Variants in LNX1 observed in about 807,000 individuals in gnomAD.
LNX1 encodes E3 ubiquitin-protein ligase LNX.
LNX1 carries 54 observed loss-of-function variants against 68.4 expected under a neutral mutation model. That is an observed-to-expected ratio of 0.79 (90% CI 0.63 to 0.99). LNX1 has a LOEUF of 0.99. LNX1 is among the 50% of genes least tolerant of loss of function. The pLI, the probability that LNX1 is intolerant of heterozygous loss-of-function variation, is 0.00. For synonymous variants in LNX1, 336 were observed against 350.0 expected, an observed-to-expected ratio of 0.96 and a Z score of 0.45; for missense variants, 906 against 926.4, an observed-to-expected ratio of 0.98 and a Z score of 0.29.
At position 53,590,005 on chromosome 4, in the gene LNX1, A is replaced by T. The variant is rs553010509; in HGVS notation, c.-87+1383T>A. 2.6e-5 allele frequency among the ~76,000 whole-genome samples: 4 copies of T among 152,326 alleles called. No individual in the cohort carries two copies. The South Asian group carries it at 8.3e-4, about 32-fold the overall frequency. ...AATGTAATCTTGAGGAGAGGTTTAG[A>T]TGCACTTTTATCAGAAGATCCAAGC... On this transcript the variant is annotated intron_variant, in intron 1 of 10. Transcript: ENST00000263925.
At chr4:53,645,869 G>T (rs1734867775) in intron 1 of LNX1, among the ~76,000 whole-genome samples, 1 of 152,148 alleles carries the variant, frequency 6.6e-6, no homozygotes, top group Non-Finnish European at 1.5e-5. Context: ...GGCATGCATT[G>T]GTGAGGATAT....
At chr4:53,474,992 T>G (rs113956699) in intron 9 of LNX1, among the ~76,000 whole-genome samples, 24,465 of 152,164 alleles carry the variant, frequency 0.16, 2,501 homozygotes, top group Admixed American at 0.26. Context: ...GGTCTTGAAC[T>G]CCTGGTCTCA....
intron 6 of LNX1, among the ~76,000 whole-genome samples, chr4:53,492,506 T>TGAGAGAGAGAGAGAGAGAGAGAGA (rs58715153): frequency 0.016 from 1,418 of 88,894 alleles, 216 homozygotes; most frequent in Non-Finnish European, 0.022. Flanking sequence ...CAGAGGGCTC[T>TGAGAGAGAGAGAGAGAGAGAGAGA]GAGAGAGAGA....
chr4:53,568,314 C>T (rs1730856667), intron 2 of LNX1, among the ~76,000 whole-genome samples: 1 of 151,632 alleles, frequency 6.6e-6, no homozygotes, highest in South Asian at 2.1e-4. Context: ...AAGTGGGCTT[C>T]ATCCCTGGGA....
At chr4:53,642,943 T>C (rs964425843) in intron 1 of LNX1, among the ~76,000 whole-genome samples, 1 of 152,146 alleles carries the variant, frequency 6.6e-6, no homozygotes, top group African/African-American at 2.4e-5. Context: ...AGTGTAATGG[T>C]TCTCTGTGTG....
At chr4:53,471,207 C>A (rs1410066146) in intron 9 of LNX1, among the ~76,000 whole-genome samples, 1 of 151,848 alleles carries the variant, frequency 6.6e-6, no homozygotes, top group Non-Finnish European at 1.5e-5. Flanking sequence ...ACCATCTGAT[C>A]TTTGACAAAC....
Position 53,498,737 on chromosome 4 carries a change from G to A in LNX1, c.882C>T (p.Ser294=), listed in dbSNP as rs138813024. ...ESLSIRLVGG[S]ETPLVHIIIQ... is the part of the protein sequence containing the mutation. ...TAATGATATGGACCAGTGGGGTTTC[G>A]CTACCTCCCACCAGCCTAATAGAGA... Residue 294 remains serine, a synonymous_variant, in exon 5 of 11, where the codon AGC becomes AGT. Transcript: ENST00000263925. 18 of 1,613,788 alleles carry A rather than the reference G, an allele frequency of 1.1e-5. No individual in the cohort carries two copies. Among genetic ancestry groups the A allele is most frequent in the East Asian group, 8.9e-5 (4 of 44,890 alleles).
intron 2 of LNX1, among the ~76,000 whole-genome samples, chr4:53,536,276 C>T (rs1560651811): frequency 1.3e-5 from 2 of 152,204 alleles, no homozygotes. Context: ...ACAATTTCTT[C>T]CAGTGCCCAA....
chr4:53,475,177 ACATTGT>A (rs1723483544), intron 9 of LNX1, among the ~76,000 whole-genome samples: 1 of 152,274 alleles, frequency 6.6e-6, no homozygotes, highest in Non-Finnish European at 1.5e-5. Flanking sequence ...AAAGCACCTC[ACATTGT>A]CCTCTCTTAC....
intron 1 of LNX1, among the ~76,000 whole-genome samples, chr4:53,627,492 C>T (rs1734121326): frequency 6.6e-6 from 1 of 152,156 alleles, no homozygotes; most frequent in Non-Finnish European, 1.5e-5. Context: ...ATGGTGAGCT[C>T]TTATGTTGAA....
At chr4:53,552,264 C>T (rs939313097) in intron 2 of LNX1, among the ~76,000 whole-genome samples, 15 of 152,134 alleles carry the variant, frequency 9.9e-5, no homozygotes, top group African/African-American at 2.9e-4. Flanking sequence ...CTTTGAAAAG[C>T]GAGTCCCAAA....
At chr4:53,504,609 C>T (rs116339968) in intron 4 of LNX1, among the ~76,000 whole-genome samples, 2,553 of 152,324 alleles carry the variant, frequency 0.017, 72 homozygotes, top group African/African-American at 0.058. Context: ...CTGTTTGGCA[C>T]GAGAGGCCTA....
At chr4:53,599,775 C>T (rs1168830459) in intron 2 of LNX1, among the ~76,000 whole-genome samples, 1 of 152,212 alleles carries the variant, frequency 6.6e-6, no homozygotes, top group Non-Finnish European at 1.5e-5. Context: ...CTTTCAGATT[C>T]TATGTATGTC....
chr4:53,476,693 G>A, intron 9 of LNX1, 60 bp downstream of exon 9: 1 of 1,422,658 alleles, frequency 7.0e-7, no homozygotes, highest in Admixed American at 1.7e-5. Flanking sequence ...TGAAAGAGTG[G>A]TTTAAGAAAT....
At chr4:53,632,169 G>T (rs1362768926) in intron 1 of LNX1, among the ~76,000 whole-genome samples, 2 of 152,276 alleles carry the variant, frequency 1.3e-5, no homozygotes, top group East Asian at 1.9e-4. Flanking sequence ...CACTGCCTGA[G>T]GCTGGCCGCT....
intron 2 of LNX1, among the ~76,000 whole-genome samples, chr4:53,567,446 A>G (rs1405510818): frequency 2.0e-5 from 3 of 152,264 alleles, no homozygotes; most frequent in South Asian, 2.1e-4. Context: ...TTTGAAACCA[A>G]TGAGAACAAA....
At chr4:53,490,384 A>G (rs906537676) in intron 6 of LNX1, among the ~76,000 whole-genome samples, 1 of 152,226 alleles carries the variant, frequency 6.6e-6, no homozygotes, top group African/African-American at 2.4e-5. Context: ...TGATTGGGAA[A>G]TTGACTTGAG....
intron 2 of LNX1, among the ~76,000 whole-genome samples, chr4:53,518,075 A>G (rs1017894806): frequency 6.6e-6 from 1 of 152,178 alleles, no homozygotes; most frequent in Non-Finnish European, 1.5e-5. Context: ...CCAGACAGGA[A>G]AAATTCAAAA....
intron 2 of LNX1, chr4:53,549,430 C>G (rs548865391): frequency 7.1e-6 from 1 of 140,372 alleles, no homozygotes; most frequent in African/African-American, 2.5e-5. Context: ...TTTGTATCGG[C>G]GGAGAATGAA....
Sources: allele counts gnomAD v4.1 joint callset (sites outside exome capture counted in the v4.1 genomes callset), GRCh38; gene constraint gnomAD v4.1.1; transcripts MANE v1.5; gene names NCBI Gene and HGNC (gene_info 2026-07-23, HGNC 2026-07-21).